AUTS2: variants seen among roughly 807,000 people sequenced by gnomAD.
AUTS2 encodes the protein autism susceptibility gene 2 protein.
AUTS2 carries 17 observed loss-of-function variants against 112.4 expected under a neutral mutation model. The observed-to-expected ratio is 0.15, with a 90% CI of 0.10 to 0.23. AUTS2 has a LOEUF of 0.23. Ranked by LOEUF, AUTS2 falls within the 10% of genes least tolerant of loss-of-function variation. The pLI, the probability that AUTS2 is intolerant of heterozygous loss-of-function variation, is 1.00. For synonymous variants in AUTS2, 751 were observed against 702.7 expected, an observed-to-expected ratio of 1.07 and a Z score of -1.09; for missense variants, 1,510 against 1,701.6, an observed-to-expected ratio of 0.89 and a Z score of 1.98.
chr7:70,385,332 G>A (rs1051991388), intron 4 of AUTS2, among the ~76,000 whole-genome samples: 21 of 152,218 alleles, frequency 1.4e-4, no homozygotes, highest in African/African-American at 4.8e-4. Flanking sequence ...TTGTGGAGTT[G>A]TTGACTTTTT....
chr7:69,665,150 T>G (rs1475358862), intron 1 of AUTS2, among the ~76,000 whole-genome samples: 1 of 152,116 alleles, frequency 6.6e-6, no homozygotes, highest in Non-Finnish European at 1.5e-5. Flanking sequence ...TCTCCCCACT[T>G]TCCACATGTA....
chr7:70,437,033 G>C (rs995927642), intron 5 of AUTS2: 7 of 152,394 alleles, frequency 4.6e-5, no homozygotes, highest in African/African-American at 1.7e-4. Flanking sequence ...CTCTCGCCTT[G>C]AGGTTTTTAT....
At chr7:70,086,619 C>A (rs1201789422) in intron 2 of AUTS2, among the ~76,000 whole-genome samples, 7 of 130,706 alleles carry the variant, frequency 5.4e-5, no homozygotes, top group African/African-American at 2.1e-4. Flanking sequence ...CCAGCCTGGG[C>A]AGCTGAGTGA....
chr7:70,513,478 C>T lies in AUTS2; in HGVS notation c.690+77697C>T, dbSNP rs150672397. Among the ~76,000 whole-genome samples, 51 of 152,226 alleles carry T rather than the reference C, an allele frequency of 3.4e-4. No homozygotes were observed. In the South Asian group the frequency reaches 6.6e-3, roughly 20 times the overall value. ...TAATAAGGGGACAGATTTGAGTCTG[C>T]CCAGCCTGGAAGGCATATAATCTAT... On this transcript the variant is annotated intron_variant, in intron 5 of 18. Transcript: ENST00000342771.
chr7:69,875,092 G>A (rs978040356), intron 1 of AUTS2, among the ~76,000 whole-genome samples: 1 of 149,722 alleles, frequency 6.7e-6, no homozygotes, highest in African/African-American at 2.5e-5. Flanking sequence ...CATTGATCAC[G>A]CTTTGCATAT....
intron 4 of AUTS2, among the ~76,000 whole-genome samples, chr7:70,176,219 T>G (rs1808978015): frequency 2.0e-5 from 3 of 152,188 alleles, no homozygotes; most frequent in Admixed American, 1.3e-4. Flanking sequence ...GATGGAATAT[T>G]CTCAATGTAG....
intron 1 of AUTS2, among the ~76,000 whole-genome samples, chr7:69,665,387 C>T (rs973657987): frequency 6.7e-6 from 1 of 149,036 alleles, no homozygotes; most frequent in African/African-American, 2.6e-5. Context: ...GGTAGTGATG[C>T]ATTTTTTAAG....
chr7:70,689,768 T>G (rs529762825), intron 5 of AUTS2, among the ~76,000 whole-genome samples: 1 of 82,456 alleles, frequency 1.2e-5, no homozygotes, highest in Admixed American at 1.9e-4. Flanking sequence ...AGAGCAAGAC[T>G]CCGTCTCAAA....
chr7:70,433,500 G>A (rs1795761401), intron 4 of AUTS2, among the ~76,000 whole-genome samples: 1 of 152,212 alleles, frequency 6.6e-6, no homozygotes, highest in Non-Finnish European at 1.5e-5. Context: ...ACACAATCAG[G>A]ACAGTATTGT....
At chr7:70,677,300 G>T (rs1162353046) in intron 5 of AUTS2, among the ~76,000 whole-genome samples, 1 of 152,062 alleles carries the variant, frequency 6.6e-6, no homozygotes, top group African/African-American at 2.4e-5. Flanking sequence ...CTGCAAATCC[G>T]AGCTCTCTTT....
chr7:70,020,885 A>T (rs546034670), intron 2 of AUTS2, among the ~76,000 whole-genome samples: 1 of 152,254 alleles, frequency 6.6e-6, no homozygotes, highest in East Asian at 1.9e-4. Context: ...TGCCTAGGCT[A>T]GTCTTGAACT....
chr7:69,965,982 A>G (rs1176560878), intron 2 of AUTS2, among the ~76,000 whole-genome samples: 1 of 152,194 alleles, frequency 6.6e-6, no homozygotes, highest in African/African-American at 2.4e-5. Context: ...GTTTATAATA[A>G]TGGTGACTGA....
At chr7:70,054,417 C>T (rs751089176) in intron 2 of AUTS2, among the ~76,000 whole-genome samples, 3 of 152,094 alleles carry the variant, frequency 2.0e-5, no homozygotes, top group Non-Finnish European at 4.4e-5. Flanking sequence ...TACTACTAGG[C>T]TGACCGTAAC....
At chr7:69,895,887 G>A (rs1402449646) in intron 1 of AUTS2, among the ~76,000 whole-genome samples, 1 of 152,182 alleles carries the variant, frequency 6.6e-6, no homozygotes, top group African/African-American at 2.4e-5. Flanking sequence ...ACATTATTAA[G>A]CATCATTTGT....
intron 6 of AUTS2, among the ~76,000 whole-genome samples, chr7:70,756,030 T>G (rs1789174895): frequency 6.6e-6 from 1 of 152,176 alleles, no homozygotes; most frequent in African/African-American, 2.4e-5. Context: ...TTTTGAAAGT[T>G]AAAAGCACAA....
chr7:70,478,903 G>T (rs1007426866), intron 5 of AUTS2, among the ~76,000 whole-genome samples: 1 of 152,046 alleles, frequency 6.6e-6, no homozygotes, highest in African/African-American at 2.4e-5. Flanking sequence ...CAAACTTTGA[G>T]CTCTTTAAAA....
At chr7:70,733,008 A>G (rs1461711514) in intron 6 of AUTS2, among the ~76,000 whole-genome samples, 1 of 152,174 alleles carries the variant, frequency 6.6e-6, no homozygotes, top group Non-Finnish European at 1.5e-5. Context: ...TGCTATTTCC[A>G]CAGGGCTGTG....
intron 4 of AUTS2, among the ~76,000 whole-genome samples, chr7:70,351,265 G>T (rs1004749352): frequency 1.3e-5 from 2 of 151,998 alleles, no homozygotes; most frequent in Admixed American, 1.3e-4. Context: ...TGTAGGCCAG[G>T]CTGGTCTCGA....
At chr7:70,240,919 C>T (rs1812577060) in intron 4 of AUTS2, among the ~76,000 whole-genome samples, 1 of 152,152 alleles carries the variant, frequency 6.6e-6, no homozygotes, top group Non-Finnish European at 1.5e-5. Flanking sequence ...AGGACTGTAT[C>T]CACTTCGGGT....
Sources: allele counts gnomAD v4.1 joint callset (sites outside exome capture counted in the v4.1 genomes callset), GRCh38; gene constraint gnomAD v4.1.1; transcripts MANE v1.5; gene names NCBI Gene and HGNC (gene_info 2026-07-23, HGNC 2026-07-21).